Variants in PRSS38 observed in about 807,000 individuals in gnomAD.
PRSS38 encodes serine protease 38, also known as marapsin 2.
PRSS38 carries 22 observed loss-of-function variants against 26.8 expected under a neutral mutation model. The ratio of observed to expected loss-of-function variants is 0.82; its 90% CI spans 0.59 to 1.17. The LOEUF (loss-of-function observed/expected upper bound fraction) is 1.17. PRSS38 is among the 50% of genes most tolerant of loss of function. PRSS38 has a pLI of 0.00. For synonymous variants in PRSS38, 175 were observed against 172.1 expected (o/e 1.02, Z -0.13); for missense variants, 427 against 422.7 (o/e 1.01, Z -0.09).
At chr1:227,815,929 T>C in intron 1 of PRSS38, 65 bp downstream of exon 1, 2 of 1,538,540 alleles carry the variant, frequency 1.3e-6, no homozygotes, top group Non-Finnish European at 1.8e-6. Context: ...CTGTCGGTGC[T>C]GGGCCTCCTC....
exon 5 of PRSS38, chr1:227,846,223 C>A: frequency 6.2e-7 from 1 of 1,603,290 alleles, no homozygotes; most frequent in Non-Finnish European, 8.5e-7. Flanking sequence ...AGGATACCCA[C>A]TCTAGGATTC....
At chr1:227,825,148 C>T (rs991406874) in intron 3 of PRSS38, among the ~76,000 whole-genome samples, 3 of 152,074 alleles carry the variant, frequency 2.0e-5, no homozygotes, top group Non-Finnish European at 4.4e-5. Flanking sequence ...TTTGCCTGTG[C>T]CTATGTCCTG....
In PRSS38 at chr1:227,845,712, T is replaced by G. The variant is rs1665418937; in HGVS notation, c.726+100T>G. ...GCCTCCCACTGACTAGCAGGAGCCCTGCAGCCATGCCCCAAGCTGAGCAGG... is the reference window on the plus strand; with the variant it reads ...GCCTCCCACTGACTAGCAGGAGCCCGGCAGCCATGCCCCAAGCTGAGCAGG... On this transcript the variant is annotated intron_variant, in intron 4 of 4. Transcript: ENST00000366757. The G allele has an allele frequency of 2.1e-6, 3 of 1,404,512 alleles. No individual in the cohort carries two copies. The South Asian group carries it at 3.8e-5, about 18-fold the overall frequency. The allele number at this position is 1,404,512 out of a possible 1,614,324, so 87.0% of individuals were successfully genotyped here.
intron 3 of PRSS38, among the ~76,000 whole-genome samples, chr1:227,826,315 T>C (rs1187019459): frequency 2.0e-5 from 3 of 152,204 alleles, no homozygotes; most frequent in Non-Finnish European, 4.4e-5. Flanking sequence ...TACAGGATCG[T>C]GTCATCTGCA....
At chr1:227,828,532 C>A (rs970750348) in intron 3 of PRSS38, among the ~76,000 whole-genome samples, 3 of 152,132 alleles carry the variant, frequency 2.0e-5, no homozygotes, top group Non-Finnish European at 4.4e-5. Flanking sequence ...CTGCCAGTCG[C>A]GATAGGCTGG....
intron 3 of PRSS38, among the ~76,000 whole-genome samples, chr1:227,820,568 G>C (rs1027629987): frequency 2.6e-5 from 4 of 151,986 alleles, no homozygotes; most frequent in African/African-American, 7.2e-5. Context: ...AATTACACTT[G>C]TATTTCTTGG....
At chr1:227,839,053 T>C (rs900448344) in intron 3 of PRSS38, among the ~76,000 whole-genome samples, 1 of 152,106 alleles carries the variant, frequency 6.6e-6, no homozygotes, top group Non-Finnish European at 1.5e-5. Context: ...CGAGGTAACG[T>C]GGATACATTC....
intron 3 of PRSS38, among the ~76,000 whole-genome samples, chr1:227,818,351 A>G (rs1664952369): frequency 6.6e-6 from 1 of 152,186 alleles, no homozygotes; most frequent in South Asian, 2.1e-4. Flanking sequence ...AGAGGATCAT[A>G]TAGTTCTGCT....
At chr1:227,835,936 C>T (rs142604744) in intron 3 of PRSS38, among the ~76,000 whole-genome samples, 3 of 152,124 alleles carry the variant, frequency 2.0e-5, no homozygotes, top group Non-Finnish European at 4.4e-5. Context: ...TAAATTTTGC[C>T]TTGATTTTTA....
chr1:227,817,276 A>G (rs1664935289), exon 3 of PRSS38: 3 of 1,614,100 alleles, frequency 1.9e-6, no homozygotes, highest in Middle Eastern at 1.6e-4. Context: ...CGGCAACCAC[A>G]CCCAGTGGTA....
exon 5 of PRSS38, chr1:227,845,975 G>A: frequency 1.2e-6 from 2 of 1,614,148 alleles, no homozygotes; most frequent in Non-Finnish European, 1.7e-6. Flanking sequence ...GGGCCCACTT[G>A]TCTGTGAATT....
intron 3 of PRSS38, among the ~76,000 whole-genome samples, chr1:227,824,839 T>C (rs1390213895): frequency 2.6e-5 from 4 of 152,208 alleles, no homozygotes; most frequent in Non-Finnish European, 5.9e-5. Context: ...GAGCTTTTTT[T>C]CATGTTTGTT....
chr1:227,815,735 G>T (rs79071093), exon 1 of PRSS38: 1 of 1,599,646 alleles, frequency 6.3e-7, no homozygotes, highest in Non-Finnish European at 8.5e-7. Flanking sequence ...CCCTGCTTCC[G>T]TCATGGGCCC....
intron 3 of PRSS38, among the ~76,000 whole-genome samples, chr1:227,835,565 C>A (rs1387183550): frequency 1.3e-5 from 2 of 152,154 alleles, no homozygotes; most frequent in South Asian, 2.1e-4. Flanking sequence ...GTGGAAACAG[C>A]CCACATGTCC....
chr1:227,823,909 A>G (rs545805637), intron 3 of PRSS38, among the ~76,000 whole-genome samples: 44 of 152,228 alleles, frequency 2.9e-4, no homozygotes, highest in African/African-American at 4.1e-4. Context: ...TAGTGCTGCA[A>G]TAAACATGTG....
At chr1:227,817,399 C>T in exon 3 of PRSS38, 11 of 1,614,152 alleles carry the variant, frequency 6.8e-6, no homozygotes, top group Non-Finnish European at 9.3e-6. Flanking sequence ...GTCCGTGCTC[C>T]CGGTTTGCCT....
intron 4 of PRSS38, 129 bp from the exon 5 acceptor site, chr1:227,845,825 G>T (rs1341560546): frequency 7.4e-7 from 1 of 1,360,470 alleles, no homozygotes; most frequent in African/African-American, 1.4e-5. Context: ...AGGGAGGCTG[G>T]GTGAGAGGGG....
At chr1:227,837,748 C>T (rs1665258927) in intron 3 of PRSS38, among the ~76,000 whole-genome samples, 1 of 152,154 alleles carries the variant, frequency 6.6e-6, no homozygotes, top group Non-Finnish European at 1.5e-5. Context: ...CACCTCTTTG[C>T]CGATACTTGG....
intron 3 of PRSS38, among the ~76,000 whole-genome samples, chr1:227,819,933 A>G (rs891699483): frequency 2.0e-5 from 3 of 152,022 alleles, no homozygotes; most frequent in Non-Finnish European, 2.9e-5. Context: ...TACTAAAAAT[A>G]TAAAAATTAG....
Sources: gnomAD v4.1 joint callset for allele counts (sites outside exome capture counted in the v4.1 genomes callset) on GRCh38, gnomAD v4.1.1 for gene constraint, MANE v1.5 for transcripts, NCBI Gene and HGNC (gene_info 2026-07-23, HGNC 2026-07-21) for gene names.